LINC00305: variants seen among roughly 807,000 people sequenced by gnomAD.
LINC00305 encodes the protein long intergenic non-protein coding RNA 305.
intron 3 of LINC00305, among the ~76,000 whole-genome samples, chr18:64,087,802 A>T (rs1478498845): frequency 6.6e-6 from 1 of 152,194 alleles, no homozygotes; most frequent in African/African-American, 2.4e-5. Flanking sequence ...AGAAATTCAG[A>T]GAGAAGCAGC....
intron 1 of LINC00305, among the ~76,000 whole-genome samples, chr18:64,127,932 G>A (rs2051392558): frequency 6.6e-6 from 1 of 152,076 alleles, no homozygotes. Context: ...TTGTAACTGA[G>A]CTAATTTTGG....
chr18:64,082,562 G>A (rs1233739798), intron 3 of LINC00305, among the ~76,000 whole-genome samples: 1 of 152,220 alleles, frequency 6.6e-6, no homozygotes, highest in East Asian at 1.9e-4. Context: ...CCTTTGGGCA[G>A]CTACAGTGGC....
At chr18:64,138,816 T>C (rs2051447244) in intron 1 of LINC00305, among the ~76,000 whole-genome samples, 1 of 152,202 alleles carries the variant, frequency 6.6e-6, no homozygotes, top group African/African-American at 2.4e-5. Context: ...TTTCTTAGTA[T>C]GTAAAACTCA....
chr18:64,123,267 T>C (rs2144260955), intron 1 of LINC00305, among the ~76,000 whole-genome samples: 1 of 152,186 alleles, frequency 6.6e-6, no homozygotes, highest in East Asian at 1.9e-4. Flanking sequence ...CTAAGCAACT[T>C]CCCTAGTTTA....
chr18:64,141,569 C>T (rs1181247765), intron 1 of LINC00305, among the ~76,000 whole-genome samples: 1 of 152,156 alleles, frequency 6.6e-6, no homozygotes, highest in Non-Finnish European at 1.5e-5. Context: ...GTATGCAAGT[C>T]ACCCAAAGTT....
At chr18:64,135,144 C>T (rs886237214) in intron 1 of LINC00305, among the ~76,000 whole-genome samples, 14 of 152,106 alleles carry the variant, frequency 9.2e-5, no homozygotes, top group African/African-American at 2.7e-4. Flanking sequence ...CTTTTCACAA[C>T]GTGTTCTCTT....
intron 3 of LINC00305, among the ~76,000 whole-genome samples, chr18:64,080,579 A>C (rs896021492): frequency 6.6e-6 from 1 of 152,206 alleles, no homozygotes; most frequent in African/African-American, 2.4e-5. Flanking sequence ...TCATTTATCT[A>C]TACCAGGATT....
chr18:64,094,650 G>A (rs1183926658), intron 3 of LINC00305, among the ~76,000 whole-genome samples: 1 of 152,056 alleles, frequency 6.6e-6, no homozygotes, highest in Non-Finnish European at 1.5e-5. Context: ...ATCACCTGAA[G>A]TCAGGAGTTT....
intron 1 of LINC00305, among the ~76,000 whole-genome samples, chr18:64,142,555 G>C (rs2051468925): frequency 6.6e-6 from 1 of 152,200 alleles, no homozygotes; most frequent in Non-Finnish European, 1.5e-5. Flanking sequence ...ATACAAGCAT[G>C]AATTAGTGTT....
chr18:64,143,889 T>C (rs1288793709), intron 1 of LINC00305, among the ~76,000 whole-genome samples: 3 of 151,948 alleles, frequency 2.0e-5, no homozygotes, highest in East Asian at 1.9e-4. Context: ...CATGTATATA[T>C]ACACACACAC....
intron 1 of LINC00305, among the ~76,000 whole-genome samples, chr18:64,140,547 C>A (rs957780098): frequency 6.6e-6 from 1 of 152,078 alleles, no homozygotes; most frequent in Non-Finnish European, 1.5e-5. Flanking sequence ...ATGGTAGAGA[C>A]CGTCTAAGTA....
At chr18:64,101,887 A>C (rs929544289) in intron 1 of LINC00305, among the ~76,000 whole-genome samples, 2 of 152,198 alleles carry the variant, frequency 1.3e-5, no homozygotes. Context: ...GTAGCCTACA[A>C]ATGAATATGG....
chr18:64,125,676 A>G (rs544706531), intron 1 of LINC00305, among the ~76,000 whole-genome samples: 32 of 152,026 alleles, frequency 2.1e-4, no homozygotes, highest in African/African-American at 6.8e-4. Context: ...TCCTTTCCTC[A>G]ATCCTTTTAC....
chr18:64,114,192 C>T (rs1599218156), intron 1 of LINC00305, among the ~76,000 whole-genome samples: 1 of 152,264 alleles, frequency 6.6e-6, no homozygotes, highest in African/African-American at 2.4e-5. Context: ...ATGGCGTGAA[C>T]CAGAGAGGCG....
At chr18:64,147,261 T>C (rs1000353438) in intron 1 of LINC00305, 1 of 152,194 alleles carries the variant, frequency 6.6e-6, no homozygotes, top group Non-Finnish European at 1.5e-5. Context: ...ATAAAGATTA[T>C]AGCAAATGGG....
intron 1 of LINC00305, among the ~76,000 whole-genome samples, chr18:64,107,468 G>A (rs2144246175): frequency 6.6e-6 from 1 of 152,340 alleles, no homozygotes; most frequent in African/African-American, 2.4e-5. Context: ...TCAAGCTTCA[G>A]ATGCTGGAGT....
chr18:64,139,778 G>T (rs571276228), intron 1 of LINC00305, among the ~76,000 whole-genome samples: 45 of 152,210 alleles, frequency 3.0e-4, no homozygotes, highest in Middle Eastern at 3.4e-3. Context: ...AGGTCTAGAA[G>T]TTGTCCTTTT....
chr18:64,147,315 C>G (rs1301219683), intron 1 of LINC00305: 1 of 152,096 alleles, frequency 6.6e-6, no homozygotes, highest in African/African-American at 2.4e-5. Flanking sequence ...AGCCATCAAA[C>G]TAGCACTATT....
intron 1 of LINC00305, among the ~76,000 whole-genome samples, chr18:64,144,852 G>T (rs1653347754): frequency 6.6e-6 from 1 of 152,170 alleles, no homozygotes; most frequent in African/African-American, 2.4e-5. Context: ...CGTGTAGTCA[G>T]GGGGTTTTCA....
Sources: allele counts gnomAD v4.1 joint callset (sites outside exome capture counted in the v4.1 genomes callset), GRCh38; gene constraint gnomAD v4.1.1; transcripts MANE v1.5; gene names NCBI Gene and HGNC (gene_info 2026-07-23, HGNC 2026-07-21).